The following DIAPH3 variants were observed in gnomAD, a reference collection of about 807,000 sequenced individuals.
DIAPH3 encodes diaphanous related formin 3.
A neutral mutation model predicts 144.3 loss-of-function variants in DIAPH3; 117 were observed. That is an observed-to-expected ratio of 0.81 (90% CI 0.70 to 0.95). The LOEUF (loss-of-function observed/expected upper bound fraction) is 0.95, where lower values mean the gene tolerates loss of function less well. Among genes scored for constraint, DIAPH3 ranks in the 40% least tolerant of loss-of-function variants. The pLI is 0.00. For missense variants in DIAPH3, 1,421 were observed against 1,412.7 expected, an observed-to-expected ratio of 1.01 and a Z score of -0.09; for synonymous variants, 519 against 488.9, an observed-to-expected ratio of 1.06 and a Z score of -0.81.
intron 3 of DIAPH3, among the ~76,000 whole-genome samples, chr13:60,095,891 C>A (rs1244680300): frequency 6.6e-6 from 1 of 152,128 alleles, no homozygotes; most frequent in Non-Finnish European, 1.5e-5. Context: ...GAAATACTGT[C>A]TGTGGTATCT....
At position 59,983,803 on chromosome 13, in the gene DIAPH3, T is replaced by C. The variant is rs1391373346; in HGVS notation, c.1446A>G (p.Arg482=). The C allele has an allele frequency of 6.2e-7, 1 of 1,609,096 alleles. No individual in the cohort carries two copies. Among genetic ancestry groups the C allele is most frequent in the Non-Finnish European group, 8.5e-7 (1 of 1,176,494 alleles). Residue 482 remains arginine (R), a synonymous_variant, in exon 13 of 28, where the codon CGA becomes CGG. Transcript: ENST00000400324. ...RDGMDPDFTY[R]KRLDLDLTQF... ...GGGTTAAATCTAAATCTAGTCTTTTTCGATATGTGAAGTCTGGATCCATTC... is the reference window on the plus strand; with the variant it reads ...GGGTTAAATCTAAATCTAGTCTTTTCCGATATGTGAAGTCTGGATCCATTC...
At chr13:60,004,065 A>G (rs939395685) in intron 9 of DIAPH3, among the ~76,000 whole-genome samples, 4 of 152,220 alleles carry the variant, frequency 2.6e-5, no homozygotes, top group Non-Finnish European at 1.5e-5. Context: ...TAAAAAAAAT[A>G]CTTTGTCATA....
intron 25 of DIAPH3, among the ~76,000 whole-genome samples, chr13:59,799,420 CAGA>C (rs1346041812): frequency 5.1e-5 from 7 of 137,026 alleles, no homozygotes; most frequent in South Asian, 4.8e-4. Context: ...CACACACACA[CAGA>C]AGGAGAATTG....
chr13:59,832,448 A>T (rs889273636), intron 24 of DIAPH3, among the ~76,000 whole-genome samples: 1 of 151,800 alleles, frequency 6.6e-6, no homozygotes, highest in African/African-American at 2.4e-5. Flanking sequence ...TGACTTACCC[A>T]TCTATTAAGA....
chr13:60,073,096 G>A (rs2057268401), intron 4 of DIAPH3, among the ~76,000 whole-genome samples: 1 of 152,128 alleles, frequency 6.6e-6, no homozygotes, highest in Non-Finnish European at 1.5e-5. Flanking sequence ...ATCACCTGAA[G>A]TCAGGAGTTC....
rs1253762413 is a variant in DIAPH3, at chr13:59,812,302, A to G, written c.3028-1379T>C. Among the ~76,000 whole-genome samples the G allele has an allele frequency of 3.3e-5, 5 of 151,166 alleles. No homozygotes were observed. The East Asian group carries it at 9.8e-4, about 30-fold the overall frequency. On this transcript the variant is annotated intron_variant, in intron 24 of 27. Coordinates refer to ENST00000400324, the MANE Select transcript of DIAPH3 (RefSeq NM_001042517.2). Reference sequence around the variant, plus strand: ...CATCCATCCATCCATCCATCCATCCATCTATCCATCGATCCATCCATCCTT... The same window carrying G: ...CATCCATCCATCCATCCATCCATCCGTCTATCCATCGATCCATCCATCCTT...
chr13:60,017,406 A>C (rs889646758), intron 5 of DIAPH3, among the ~76,000 whole-genome samples: 23 of 149,202 alleles, frequency 1.5e-4, no homozygotes, highest in African/African-American at 9.8e-5. Context: ...CTCCATCACA[A>C]AAAAAAAAAA....
chr13:60,159,390 C>G (rs914666201), intron 1 of DIAPH3, among the ~76,000 whole-genome samples: 1 of 152,044 alleles, frequency 6.6e-6, no homozygotes, highest in South Asian at 2.1e-4. Context: ...CTTTGGGAGG[C>G]CGAAGCGGGT....
chr13:59,863,430 T>C (rs1482354052), intron 21 of DIAPH3, among the ~76,000 whole-genome samples: 3 of 152,116 alleles, frequency 2.0e-5, no homozygotes, highest in Admixed American at 1.3e-4. Flanking sequence ...CCATAAGTAA[T>C]ATTTTAAAAA....
rs374233804 is a variant in DIAPH3 at position 60,007,911 on chromosome 13, TC to T, written c.1014+632del. 3.7e-4 allele frequency among the ~76,000 whole-genome samples: 56 copies of T among 152,240 alleles called. 1 individual carries two copies. The East Asian group carries it at 8.5e-3, about 23-fold the overall frequency. On this transcript the variant is annotated intron_variant, in intron 9 of 27. Coordinates refer to ENST00000400324, the MANE Select transcript of DIAPH3 (RefSeq NM_001042517.2). Reference sequence around the variant, plus strand: ...TAATCGACCTAATTGGCAAAACATCTCAAAAGTTAAAGTAATTTAAGAGACT... The same window carrying T: ...TAATCGACCTAATTGGCAAAACATCTAAAAGTTAAAGTAATTTAAGAGACT...
At chr13:59,891,740 A>G (rs1180705835) in intron 20 of DIAPH3, among the ~76,000 whole-genome samples, 1 of 152,016 alleles carries the variant, frequency 6.6e-6, no homozygotes, top group Non-Finnish European at 1.5e-5. Context: ...GTAGGTACCT[A>G]TAGCAAACAG....
intron 13 of DIAPH3, among the ~76,000 whole-genome samples, chr13:59,982,044 C>A (rs1207370679): frequency 6.6e-6 from 1 of 151,346 alleles, no homozygotes; most frequent in African/African-American, 2.4e-5. Context: ...TTATCTGTGC[C>A]TCATGCTTTC....
rs761440248 is a variant in DIAPH3 at position 60,008,649 on chromosome 13, G to C, written c.909C>G (p.Ile303Met). The part of the protein sequence containing the change: ...SAVCIVGEES[I>M]LEEVLEALTS... ...TTAAAGCTTCTAAAACTTCTTCAAG[G>C]CTATTGGAAAATTTGAGTCAATTAA... Residue 303 changes from isoleucine (I) to methionine (M), a missense_variant and splice_region_variant, in exon 9 of 28, where the codon ATC becomes ATG. Ile to Met is a conservative substitution (Grantham distance 10). Transcript: ENST00000400324. The C allele has an allele frequency of 1.9e-6, 3 of 1,604,562 alleles. No individual in the cohort carries two copies. The highest frequency in any genetic ancestry group is 1.1e-5 in the South Asian group (1 of 90,780).
At chr13:60,052,984 A>AAG (rs2056414285) in intron 4 of DIAPH3, among the ~76,000 whole-genome samples, 2 of 146,790 alleles carry the variant, frequency 1.4e-5, no homozygotes, top group Admixed American at 6.7e-5. Context: ...AAAAAAAGAA[A>AAG]TAATAATAAG....
chr13:60,024,064 A>G lies in DIAPH3; in HGVS notation c.627-7919T>C, dbSNP rs539898637. On this transcript the variant is annotated intron_variant, in intron 5 of 27. Transcript: ENST00000400324. ...GAGATGGGGTTTCACCATGTTGGCC[A>G]GGCTGGTCTCAAACTCCTGACTTCA... 9.2e-5 allele frequency among the ~76,000 whole-genome samples: 14 copies of G among 151,548 alleles called. 2 individuals are homozygous for G. The South Asian group carries it at 2.9e-3, about 32-fold the overall frequency.
At chr13:59,708,469 A>C (rs1005716993) in intron 27 of DIAPH3, among the ~76,000 whole-genome samples, 1 of 152,110 alleles carries the variant, frequency 6.6e-6, no homozygotes, top group Admixed American at 6.6e-5. Context: ...TACCAAATCC[A>C]ATGGTCGTTT....
rs951954678 is a variant in DIAPH3 at position 60,132,990 on chromosome 13, C to T, written c.181-1G>A. The T allele has an allele frequency of 6.2e-7, 1 of 1,603,796 alleles. No individual in the cohort carries two copies. Among genetic ancestry groups the T allele is most frequent in the Non-Finnish European group, 8.5e-7 (1 of 1,172,322 alleles). ...CCGTCAGTGTCCTAATATTTAAATG[C>T]TGCAAATTAAAAAAAAGCAATCATA... On this transcript the variant is annotated splice_acceptor_variant, in intron 1 of 27. Transcript: ENST00000400324. LOFTEE classifies it high-confidence loss of function.
chr13:60,084,517 C>T (rs746572155), intron 4 of DIAPH3, among the ~76,000 whole-genome samples: 1 of 151,472 alleles, frequency 6.6e-6, no homozygotes, highest in Non-Finnish European at 1.5e-5. Flanking sequence ...CTACTAAATA[C>T]GAGAGTATAA....
At chr13:59,768,418 T>A (rs564121916) in intron 27 of DIAPH3, among the ~76,000 whole-genome samples, 1 of 152,282 alleles carries the variant, frequency 6.6e-6, no homozygotes, top group African/African-American at 2.4e-5. Context: ...ACTACTTCAA[T>A]AGAGTTGTCT....
Sources: allele counts gnomAD v4.1 joint callset (sites outside exome capture counted in the v4.1 genomes callset), GRCh38; gene constraint gnomAD v4.1.1; transcripts MANE v1.5; gene names NCBI Gene and HGNC (gene_info 2026-07-23, HGNC 2026-07-21).